The following BCCIP variants were observed in gnomAD, a reference collection of about 807,000 sequenced individuals.
BCCIP encodes BRCA2 and CDKN1A interacting protein, also known as BRCA2 and CDKN1A-interacting protein.
Under a neutral mutation model 32.8 loss-of-function variants are expected in BCCIP, and 23 were observed. The observed-to-expected ratio is 0.70, with a 90% CI of 0.51 to 0.99. BCCIP has a LOEUF of 0.99. BCCIP is among the 50% of genes least tolerant of loss of function. The pLI is 0.00. For missense variants in BCCIP, 378 were observed against 379.8 expected (o/e 1.00, Z 0.04); for synonymous variants, 144 against 137.6 (o/e 1.05, Z -0.33).
chr10:125,853,618 A>C, exon 8 of BCCIP: 1 of 230,094 alleles, frequency 4.3e-6, no homozygotes. Context: ...AGAAGAGATC[A>C]GTTTAAGAGT....
chr10:125,842,496 G>C (rs1220797213), exon 7 of BCCIP: 1 of 152,354 alleles, frequency 6.6e-6, no homozygotes, highest in African/African-American at 2.4e-5. Flanking sequence ...TGGGGCACTG[G>C]GTAGAAAACA....
intron 6 of BCCIP, among the ~76,000 whole-genome samples, chr10:125,835,015 C>G (rs1285419962): frequency 6.6e-6 from 1 of 151,728 alleles, no homozygotes; most frequent in Non-Finnish European, 1.5e-5. Flanking sequence ...TGCCTGTAGT[C>G]CCAGCTACTC....
chr10:125,823,782 A>G, intron 1 of BCCIP, 60 bp downstream of exon 1: 2 of 1,591,672 alleles, frequency 1.3e-6, no homozygotes, highest in South Asian at 2.3e-5. Context: ...TGGCAAGCCC[A>G]GGCTGTGTAA....
chr10:125,845,544 T>C (rs369811942), downstream of BCCIP, among the ~76,000 whole-genome samples: 317 of 152,332 alleles, frequency 2.1e-3, no homozygotes, highest in African/African-American at 7.3e-3. Context: ...GCAGGGGGTC[T>C]CCTGGTAACC....
intron 7 of BCCIP, chr10:125,852,255 C>T: frequency 6.2e-7 from 1 of 1,605,118 alleles, no homozygotes; most frequent in Non-Finnish European, 8.5e-7. Flanking sequence ...AGGTGAATCT[C>T]AGCCTAATGC....
rs1476350831 is a variant in BCCIP, at chr10:125,831,560, C to G, written c.552C>G (p.Phe184Leu). The G allele has an allele frequency of 1.9e-6, 3 of 1,614,080 alleles. No individual in the cohort carries two copies. In the Admixed American group the frequency reaches 5.0e-5, roughly 27 times the overall value. Residue 184 changes from phenylalanine to leucine, a missense_variant, in exon 5 of 7, where the codon TTC becomes TTG. By Grantham distance (22) the Phe-to-Leu change is conservative (BLOSUM62 0). Transcript: ENST00000278100. Reference sequence around the variant, plus strand: ...TGGGCCTTCTCCTAAGTGAAAGATTCATTAATGTCCCTCCACAGATCGCTC... The same window carrying G: ...TGGGCCTTCTCCTAAGTGAAAGATTGATTAATGTCCCTCCACAGATCGCTC... ...KPVGLLLSER[F>L]INVPPQIALP...
At chr10:125,826,688 C>T (rs1192474049) in intron 2 of BCCIP, 23 bp downstream of exon 2, 1 of 1,609,654 alleles carries the variant, frequency 6.2e-7, no homozygotes, top group African/African-American at 1.3e-5. Flanking sequence ...ATTTATTATG[C>T]ATAAATTTCC....
downstream of BCCIP, among the ~76,000 whole-genome samples, chr10:125,843,641 G>T (rs980662376): frequency 4.3e-4 from 66 of 151,902 alleles, no homozygotes; most frequent in Non-Finnish European, 4.4e-4. Context: ...CACAAACTTC[G>T]ATTTGATAAA....
chr10:125,853,171 A>G, exon 8 of BCCIP: 1 of 1,613,530 alleles, frequency 6.2e-7, no homozygotes, highest in Non-Finnish European at 8.5e-7. Flanking sequence ...TGAAGGCTGG[A>G]CTAATTCAAT....
chr10:125,836,765 G>A (rs765384472), downstream of BCCIP: 7 of 1,614,068 alleles, frequency 4.3e-6, no homozygotes, highest in Non-Finnish European at 5.9e-6. Flanking sequence ...TTGACACAGG[G>A]GATAGGTGAT....
intron 6 of BCCIP, among the ~76,000 whole-genome samples, chr10:125,835,692 ACT>A (rs1415053985): frequency 4.6e-5 from 7 of 152,168 alleles, no homozygotes; most frequent in Non-Finnish European, 8.8e-5. Flanking sequence ...ATGCAGATTT[ACT>A]CTGTCTTCAC....
downstream of BCCIP, chr10:125,836,791 G>T (rs138137798): frequency 5.0e-6 from 8 of 1,613,962 alleles, no homozygotes; most frequent in African/African-American, 8.0e-5. Context: ...ACTTGCTGTA[G>T]AATGTCCTTA....
Position 125,823,701 on chromosome 10 carries a change from A to T in BCCIP, c.144A>T (p.Glu48Asp). ...ATGACAGTGACAAGGAAAAGGATGA[A>T]GAGGACGAGGTCATTGACGAGGTGA... ...DDDDSDKEKD[E>D]EDEVIDEEVN... is the part of the protein sequence containing the mutation. The change falls in exon 1 of 7, where the codon GAA (glutamate) becomes GAT (aspartate). Residue 48 changes from glutamate (E) to aspartate (D), a missense_variant. Glu to Asp is a conservative substitution (Grantham distance 45). Coordinates refer to ENST00000278100, the MANE Select transcript of BCCIP (RefSeq NM_078468.3). 1 of 1,614,196 alleles carries T rather than the reference A, an allele frequency of 6.2e-7. No individual in the cohort carries two copies. The highest frequency in any genetic ancestry group is 1.3e-5 in the African/African-American group (1 of 75,056).
At chr10:125,842,027 A>C in exon 7 of BCCIP, 3 of 1,377,940 alleles carry the variant, frequency 2.2e-6, no homozygotes, top group Non-Finnish European at 2.8e-6. Flanking sequence ...GAAACAAGCA[A>C]ACAATGGACA....
downstream of BCCIP, chr10:125,841,243 C>T: frequency 1.2e-6 from 2 of 1,611,300 alleles, no homozygotes; most frequent in Non-Finnish European, 1.7e-6. Flanking sequence ...TATCCTGCTT[C>T]TATTCCGGCA....
rs373199915 is a variant in BCCIP at position 125,853,354 on chromosome 10, G to A, written c.*111G>A. The A allele has an allele frequency of 2.8e-4, 157 of 570,062 alleles. 1 individual carries two copies. The South Asian group carries it at 7.5e-3, about 27-fold the overall frequency. 35.3% of individuals were successfully genotyped at this position (570,062 alleles called of 1,614,324 possible). A position where few individuals can be genotyped will look rare whatever the true frequency, so the allele number is the denominator to read the frequency against. ...GTTAGTTTCGTTTGAGATCTCAAATGTTAGGATTTTCTGAAGTCTCAGTGT... is the reference window on the plus strand; with the variant it reads ...GTTAGTTTCGTTTGAGATCTCAAATATTAGGATTTTCTGAAGTCTCAGTGT... On this transcript the variant is annotated 3_prime_UTR_variant, in exon 8 of 8. Coordinates refer to the BCCIP transcript ENST00000368759.
intron 5 of BCCIP, among the ~76,000 whole-genome samples, chr10:125,832,012 C>T (rs1258086245): frequency 6.6e-6 from 1 of 152,130 alleles, no homozygotes; most frequent in African/African-American, 2.4e-5. Flanking sequence ...AACCATAGTC[C>T]TGATACTGTG....
At chr10:125,836,562 G>A (rs1854691793), downstream of BCCIP, 1 of 1,354,990 alleles carries the variant, frequency 7.4e-7, no homozygotes, top group Admixed American at 3.0e-5. Flanking sequence ...TATACACAGT[G>A]TTATTTTCTT....
At chr10:125,835,982 T>C (rs1854669757) in intron 6 of BCCIP, 122 bp from the exon 7 acceptor site, 9 of 883,780 alleles carry the variant, frequency 1.0e-5, no homozygotes, top group Non-Finnish European at 1.4e-5. Context: ...TGAGTTTTGC[T>C]TTTTTTTAGC....
Sources: allele counts gnomAD v4.1 joint callset (sites outside exome capture counted in the v4.1 genomes callset), GRCh38; gene constraint gnomAD v4.1.1; transcripts MANE v1.5; gene names NCBI Gene and HGNC (gene_info 2026-07-23, HGNC 2026-07-21).